DHX35: variants seen among roughly 807,000 people sequenced by gnomAD.
DHX35 encodes the protein DEAH-box helicase 35.
A neutral mutation model predicts 99.6 loss-of-function variants in DHX35; 84 were observed. The observed-to-expected ratio is 0.84, with a 90% CI of 0.71 to 1.01. The LOEUF (loss-of-function observed/expected upper bound fraction) is 1.01. DHX35 is among the 50% of genes least tolerant of loss of function. DHX35 has a pLI of 0.00. For synonymous variants in DHX35, 331 were observed against 316.2 expected (o/e 1.05, Z -0.50); for missense variants, 852 against 888.5 (o/e 0.96, Z 0.52).
chr20:38,966,536 G>T (rs1336433089), intron 1 of DHX35, among the ~76,000 whole-genome samples: 2 of 152,314 alleles, frequency 1.3e-5, no homozygotes, highest in East Asian at 3.9e-4. Context: ...GGGTGCGGTG[G>T]TGCGTGCCTG....
intron 7 of DHX35, among the ~76,000 whole-genome samples, chr20:38,993,572 T>C (rs945737145): frequency 6.6e-6 from 1 of 152,072 alleles, no homozygotes; most frequent in Non-Finnish European, 1.5e-5. Context: ...TCCATGTTAG[T>C]CAGGCTGGTC....
intron 7 of DHX35, 46 bp from the exon 8 acceptor site, chr20:38,994,775 T>A: frequency 1.4e-6 from 2 of 1,474,098 alleles, no homozygotes; most frequent in Non-Finnish European, 1.9e-6. Context: ...ATCTCATCCA[T>A]AAGTGTTGCA....
intron 8 of DHX35, among the ~76,000 whole-genome samples, chr20:38,995,682 AATAG>A (rs1248012286): frequency 1.3e-5 from 2 of 152,250 alleles, no homozygotes; most frequent in Non-Finnish European, 2.9e-5. Context: ...TACATGCAGA[AATAG>A]ATGTTTGCAG....
At chr20:38,991,236 T>G (rs942450197) in intron 5 of DHX35, among the ~76,000 whole-genome samples, 1 of 152,166 alleles carries the variant, frequency 6.6e-6, no homozygotes, top group Admixed American at 6.5e-5. Context: ...GAAATTCTGC[T>G]CAAAGATTTG....
At chr20:39,022,460 A>G (rs1259291100) in intron 16 of DHX35, among the ~76,000 whole-genome samples, 2 of 152,160 alleles carry the variant, frequency 1.3e-5, no homozygotes, top group Non-Finnish European at 2.9e-5. Flanking sequence ...CCGGCCTATT[A>G]TCATATTTTA....
At position 39,003,750 on chromosome 20, in the gene DHX35, A is replaced by G. The variant is rs759133800; in HGVS notation, c.854A>G (p.Glu285Gly). The G allele has an allele frequency of 5.6e-6, 9 of 1,608,068 alleles. No individual in the cohort carries two copies. The highest frequency in any genetic ancestry group is 7.7e-6 in the Non-Finnish European group (9 of 1,175,088). Residue 285 changes from glutamate (E) to glycine (G), a missense_variant and splice_region_variant, in exon 11 of 22, where the codon GAA becomes GGA. By Grantham distance (98) the Glu-to-Gly change is moderately conservative. Coordinates refer to ENST00000252011, the MANE Select transcript of DHX35 (RefSeq NM_021931.4). ...TGGTTCCTGGTTCAACGTCTTTAGG[A>G]AGAGGTAGAAACTGTTGTGTCGATG... Reference protein sequence around the residue: ...GDVLAFLTGQEEVETVVSMLI... With the variant: ...GDVLAFLTGQGEVETVVSMLI...
chr20:38,994,631 A>ACC lies in DHX35; in HGVS notation c.583-179_583-178dup, dbSNP rs35259351. ...CAAAATTGGAAGTAATAGTGTAATG[A>ACC]CCCCCCCCCCCCTTTATTGACAATT... is the stretch of plus-strand genomic sequence containing the variant. On this transcript the variant is annotated intron_variant, in intron 7 of 21. Transcript: ENST00000252011. 2.0e-3 allele frequency among the ~76,000 whole-genome samples: 151 copies of ACC among 74,394 alleles called. 1 individual carries two copies. The highest frequency in any genetic ancestry group is 3.0e-3 in the East Asian group (7 of 2,334). The allele number at this position is 74,394 out of a possible 152,430, so 48.8% of individuals were successfully genotyped here. A position where few individuals can be genotyped will look rare whatever the true frequency, so the allele number is the denominator to read the frequency against.
At chr20:38,967,893 G>C (rs1218535841) in intron 1 of DHX35, among the ~76,000 whole-genome samples, 1 of 152,104 alleles carries the variant, frequency 6.6e-6, no homozygotes. Flanking sequence ...CCTAAGCTGG[G>C]AGAAGTCAGT....
intron 13 of DHX35, among the ~76,000 whole-genome samples, chr20:39,011,198 A>G (rs906550542): frequency 6.6e-6 from 1 of 151,674 alleles, no homozygotes; most frequent in African/African-American, 2.4e-5. Context: ...TCCTTTGAAT[A>G]TTAAAGACAT....
intron 3 of DHX35, among the ~76,000 whole-genome samples, chr20:38,976,563 T>A (rs2086082249): frequency 6.6e-6 from 1 of 152,180 alleles, no homozygotes; most frequent in Non-Finnish European, 1.5e-5. Flanking sequence ...CATTATCATA[T>A]CCATCACCTC....
At chr20:39,027,583 A>G (rs900613459) in intron 18 of DHX35, among the ~76,000 whole-genome samples, 5 of 152,008 alleles carry the variant, frequency 3.3e-5, no homozygotes, top group African/African-American at 9.6e-5. Flanking sequence ...CCATTTTTAT[A>G]TATTGTTGAT....
intron 13 of DHX35, among the ~76,000 whole-genome samples, chr20:39,011,357 A>C (rs891958534): frequency 6.6e-6 from 1 of 151,354 alleles, no homozygotes; most frequent in Admixed American, 6.6e-5. Flanking sequence ...TTATTTTCTG[A>C]GACAGTCTCA....
At chr20:38,968,020 T>C (rs369345788) in intron 1 of DHX35, among the ~76,000 whole-genome samples, 1 of 152,290 alleles carries the variant, frequency 6.6e-6, no homozygotes, top group African/African-American at 2.4e-5. Flanking sequence ...GACCACTTCA[T>C]GCACCAAGTT....
intron 6 of DHX35, among the ~76,000 whole-genome samples, chr20:38,991,915 C>CTT (rs1568729693): frequency 6.6e-6 from 1 of 152,172 alleles, no homozygotes; most frequent in East Asian, 1.9e-4. Flanking sequence ...CCTACCTAGG[C>CTT]TCTGGTGTTC....
rs752850652 is a variant in DHX35 at position 38,969,143 on chromosome 20, A to T, written c.103A>T (p.Thr35Ser). Residue 35 changes from threonine to serine, a missense_variant, in exon 2 of 22, where the codon ACA becomes TCA. By Grantham distance (58) the Thr-to-Ser change is moderately conservative. Transcript: ENST00000252011. ...ERQSLAENSG[T>S]TVVYNPYAAL... ...ACAAAGTCTGGCTGAAAACTCTGGGACAACGGTTGTTTACAACCCTTATGC... is the reference window on the plus strand; with the variant it reads ...ACAAAGTCTGGCTGAAAACTCTGGGTCAACGGTTGTTTACAACCCTTATGC... 7 of 1,614,072 alleles carry T rather than the reference A, an allele frequency of 4.3e-6. No homozygotes were observed. The highest frequency in any genetic ancestry group is 2.5e-6 in the Non-Finnish European group (3 of 1,179,916).
At chr20:39,007,163 G>A (rs1244862915) in intron 12 of DHX35, among the ~76,000 whole-genome samples, 1 of 152,180 alleles carries the variant, frequency 6.6e-6, no homozygotes, top group East Asian at 1.9e-4. Context: ...AGGTCCAGGG[G>A]TTTTAGCTCT....
At chr20:39,007,966 G>A (rs1457569882) in intron 12 of DHX35, among the ~76,000 whole-genome samples, 1 of 152,150 alleles carries the variant, frequency 6.6e-6, no homozygotes, top group African/African-American at 2.4e-5. Context: ...TCACAATGTT[G>A]TGTGACCACT....
chr20:38,998,888 G>T (rs758599273), intron 8 of DHX35, among the ~76,000 whole-genome samples: 2 of 151,930 alleles, frequency 1.3e-5, no homozygotes, highest in South Asian at 4.2e-4. Context: ...CCTCCGCCTC[G>T]CAGGTTCAAA....
At position 39,006,207 on chromosome 20, in the gene DHX35, T is replaced by TC; in HGVS notation, c.1074dup (p.Asp359ArgfsTer17). 22 of 1,614,210 alleles carry TC rather than the reference T, an allele frequency of 1.4e-5. No homozygotes were observed. Among genetic ancestry groups the TC allele is most frequent in the Non-Finnish European group, 1.9e-5 (22 of 1,180,032 alleles). On this transcript the variant is annotated frameshift_variant, in exon 12 of 22. Transcript: ENST00000252011. LOFTEE classifies it high-confidence loss of function. ...ACAATCAGCGGCATTGTGTATGTGA[T>TC]CGACTGTGGCTTTGTGAAACTCCGA...
Sources: gnomAD v4.1 joint callset for allele counts (sites outside exome capture counted in the v4.1 genomes callset) on GRCh38, gnomAD v4.1.1 for gene constraint, MANE v1.5 for transcripts, NCBI Gene and HGNC (gene_info 2026-07-23, HGNC 2026-07-21) for gene names.